Variants in PTPRN2 observed in about 807,000 individuals in gnomAD.
PTPRN2 encodes receptor-type tyrosine-protein phosphatase N2.
In PTPRN2, 74 loss-of-function variants were observed where a neutral mutation model predicts 118.8. The observed-to-expected ratio is 0.62, with a 90% CI of 0.52 to 0.76. The LOEUF is 0.76. Among genes scored for constraint, PTPRN2 ranks in the 30% least tolerant of loss-of-function variants. PTPRN2 has a pLI of 0.00. For missense variants in PTPRN2, 1,481 were observed against 1,394.4 expected, an observed-to-expected ratio of 1.06 and a Z score of -0.99; for synonymous variants, 641 against 608.0, an observed-to-expected ratio of 1.05 and a Z score of -0.80.
Position 158,544,407 on chromosome 7 carries a change from G to A in PTPRN2, c.112+43151C>T, listed in dbSNP as rs139660134. On this transcript the variant is annotated intron_variant, in intron 1 of 22. Coordinates refer to ENST00000389418, the MANE Select transcript of PTPRN2 (RefSeq NM_002847.5). The surrounding 1 kb of genome is among the most constrained non-coding windows in gnomAD (Gnocchi z 4.2). ...TCCCAGCACTTTGGGAGGCCAAGGC[G>A]GATGGATCACTTGAGGTCAGGAGTT... 8.1e-3 allele frequency among the ~76,000 whole-genome samples: 1,229 copies of A among 152,168 alleles called. 14 individuals are homozygous for A. Among genetic ancestry groups the A allele is most frequent in the African/African-American group, 0.028 (1,157 of 41,496 alleles).
intron 12 of PTPRN2, among the ~76,000 whole-genome samples, chr7:157,830,432 C>T (rs891300077): frequency 6.6e-6 from 1 of 152,180 alleles, no homozygotes; most frequent in African/African-American, 2.4e-5. Flanking sequence ...AAAGCGACTG[C>T]ACTTGGCATT....
chr7:157,982,208 G>A (rs1303346348), intron 11 of PTPRN2, among the ~76,000 whole-genome samples: 13 of 139,046 alleles, frequency 9.3e-5, no homozygotes, highest in Admixed American at 1.5e-4. Context: ...TAAACCCCGA[G>A]TCACAGAGAT....
At chr7:158,328,940 G>A (rs1037438338) in intron 2 of PTPRN2, among the ~76,000 whole-genome samples, 2 of 151,130 alleles carry the variant, frequency 1.3e-5, no homozygotes, top group South Asian at 2.1e-4. Flanking sequence ...TCCAGGAGAG[G>A]CCAGCTTCCC....
chr7:157,640,081 T>C (rs753540185), intron 14 of PTPRN2, among the ~76,000 whole-genome samples: 9 of 152,084 alleles, frequency 5.9e-5, no homozygotes, highest in Non-Finnish European at 1.2e-4. Flanking sequence ...GACAACAAAC[T>C]ACCATGAGCA....
chr7:158,054,162 G>A (rs1258110124), intron 11 of PTPRN2, among the ~76,000 whole-genome samples: 1 of 152,126 alleles, frequency 6.6e-6, no homozygotes, highest in African/African-American at 2.4e-5. Flanking sequence ...AGAAGTCACT[G>A]ACACACAGGT....
At chr7:157,744,305 G>T (rs1800798348) in intron 12 of PTPRN2, among the ~76,000 whole-genome samples, 1 of 152,128 alleles carries the variant, frequency 6.6e-6, no homozygotes, top group African/African-American at 2.4e-5. Flanking sequence ...CATCGAAGGA[G>T]ATTCAAGGAG....
intron 13 of PTPRN2, among the ~76,000 whole-genome samples, chr7:157,669,379 A>G (rs1005667628): frequency 3.3e-5 from 5 of 152,128 alleles, no homozygotes; most frequent in Admixed American, 2.0e-4. Context: ...TGTCCAGGTA[A>G]CTTTTACACT....
chr7:158,235,645 C>T (rs1160723269), intron 3 of PTPRN2, among the ~76,000 whole-genome samples: 3 of 152,054 alleles, frequency 2.0e-5, no homozygotes, highest in Non-Finnish European at 2.9e-5. Context: ...TACAAATAGA[C>T]AGAAGAAATA....
At chr7:158,159,540 G>A (rs962909451) in intron 6 of PTPRN2, among the ~76,000 whole-genome samples, 2 of 152,216 alleles carry the variant, frequency 1.3e-5, no homozygotes, top group African/African-American at 2.4e-5. Context: ...TCTGGAGGGC[G>A]CAGAACCAAG....
chr7:158,379,500 G>T (rs1334637823), intron 2 of PTPRN2, among the ~76,000 whole-genome samples: 8 of 152,176 alleles, frequency 5.3e-5, no homozygotes, highest in South Asian at 2.1e-4. Context: ...GCCCACAGGT[G>T]GGGGGCTCCC....
rs118165545 is a variant in PTPRN2, at chr7:158,229,311, T to G, written c.278-24038A>C. ...AGCCAGGAGACAAGACTGGAGTAAATAAATAATCCTTCAGTGCAAGGACAC... is the reference window on the plus strand; with the variant it reads ...AGCCAGGAGACAAGACTGGAGTAAAGAAATAATCCTTCAGTGCAAGGACAC... On this transcript the variant is annotated intron_variant, in intron 3 of 22. Coordinates refer to ENST00000389418, the MANE Select transcript of PTPRN2 (RefSeq NM_002847.5). 5.8e-3 allele frequency among the ~76,000 whole-genome samples: 874 copies of G among 151,966 alleles called. 9 individuals carry two copies. Among genetic ancestry groups the G allele is most frequent in the Admixed American group, 8.7e-3 (133 of 15,274 alleles).
At chr7:158,153,893 T>C (rs111618217) in intron 6 of PTPRN2, among the ~76,000 whole-genome samples, 22,065 of 110,608 alleles carry the variant, frequency 0.2, 2,101 homozygotes, top group East Asian at 0.48. Flanking sequence ...GCACCCTGGG[T>C]GTGCTCGCTC....
At chr7:158,469,229 G>A (rs535520393) in intron 2 of PTPRN2, among the ~76,000 whole-genome samples, 37 of 152,326 alleles carry the variant, frequency 2.4e-4, no homozygotes, top group African/African-American at 8.7e-4. Context: ...ATCATTTGAG[G>A]TCAGGAGTTT....
At chr7:158,134,815 C>A (rs1158195721) in intron 8 of PTPRN2, among the ~76,000 whole-genome samples, 1 of 152,306 alleles carries the variant, frequency 6.6e-6, no homozygotes, top group East Asian at 1.9e-4. Context: ...GTAATTACTA[C>A]TCCAACCCCA....
chr7:158,154,670 A>G (rs912548780), intron 6 of PTPRN2, among the ~76,000 whole-genome samples: 6 of 152,248 alleles, frequency 3.9e-5, no homozygotes, highest in African/African-American at 4.8e-5. Context: ...AAAATGGAAT[A>G]ATAAAGTACA....
intron 11 of PTPRN2, among the ~76,000 whole-genome samples, chr7:157,989,126 C>T (rs1043630957): frequency 2.0e-5 from 3 of 152,188 alleles, no homozygotes; most frequent in Admixed American, 1.3e-4. Flanking sequence ...GTCGAAAGAC[C>T]GTGGTTTTTG....
At chr7:157,884,014 A>G (rs558130097) in intron 12 of PTPRN2, among the ~76,000 whole-genome samples, 1 of 151,970 alleles carries the variant, frequency 6.6e-6, no homozygotes, top group Non-Finnish European at 1.5e-5. Flanking sequence ...GGAGATCAGA[A>G]CACACTACCC....
chr7:157,544,975 G>C (rs1280463079), intron 22 of PTPRN2, among the ~76,000 whole-genome samples: 1 of 148,950 alleles, frequency 6.7e-6, no homozygotes, highest in African/African-American at 2.5e-5. Flanking sequence ...GGTGTGCACA[G>C]CTGTGCAGGT....
chr7:158,065,365 A>T (rs1208842543), intron 11 of PTPRN2, among the ~76,000 whole-genome samples: 1 of 152,240 alleles, frequency 6.6e-6, no homozygotes, highest in Non-Finnish European at 1.5e-5. Flanking sequence ...GAGTCCTGTA[A>T]GGTCTACCGA....
Sources: allele counts gnomAD v4.1 joint callset (sites outside exome capture counted in the v4.1 genomes callset), GRCh38; gene constraint gnomAD v4.1.1; non-coding constraint Gnocchi (gnomAD v3.1); transcripts MANE v1.5; gene names NCBI Gene and HGNC (gene_info 2026-07-23, HGNC 2026-07-21).